BANK1: variants seen among roughly 807,000 people sequenced by gnomAD.
BANK1 encodes B-cell scaffold protein with ankyrin repeats.
A neutral mutation model predicts 94.5 loss-of-function variants in BANK1; 95 were observed. That is an observed-to-expected ratio of 1.00 (90% CI 0.85 to 1.19). The LOEUF (loss-of-function observed/expected upper bound fraction) is 1.19. Ranked by LOEUF, BANK1 falls within the 50% of genes most tolerant of loss-of-function variation. BANK1 has a pLI of 0.00. For synonymous variants in BANK1, 334 were observed against 308.4 expected (o/e 1.08, Z -0.87); for missense variants, 987 against 932.2 (o/e 1.06, Z -0.77).
chr4:101,852,727 G>T (rs574233669), intron 2 of BANK1, among the ~76,000 whole-genome samples: 94 of 151,758 alleles, frequency 6.2e-4, no homozygotes, highest in African/African-American at 2.1e-3. Context: ...TATCGCATAA[G>T]ATATTTTTAT....
chr4:101,877,474 C>T (rs915172550), intron 5 of BANK1, among the ~76,000 whole-genome samples: 4 of 152,120 alleles, frequency 2.6e-5, no homozygotes, highest in African/African-American at 9.7e-5. Context: ...ACTACAACAA[C>T]TTTTTAAGAC....
intron 2 of BANK1, among the ~76,000 whole-genome samples, chr4:101,830,735 G>T (rs552635430): frequency 6.6e-6 from 1 of 152,154 alleles, no homozygotes; most frequent in African/African-American, 2.4e-5. Flanking sequence ...CAATGTTAAA[G>T]CTTCTCCCTT....
chr4:101,941,384 C>G (rs1424421589), intron 7 of BANK1, among the ~76,000 whole-genome samples: 3 of 151,904 alleles, frequency 2.0e-5, no homozygotes, highest in East Asian at 3.9e-4. Context: ...CTCACTGCTA[C>G]TAGGTATTAC....
intron 12 of BANK1, chr4:102,062,746 T>G (rs1578487660): frequency 4.2e-6 from 1 of 237,994 alleles, no homozygotes; most frequent in East Asian, 9.4e-5. Flanking sequence ...AAGAATTGGG[T>G]TGGCAAAACA....
In BANK1 at chr4:101,808,809, C is replaced by T. The variant is rs150460297; in HGVS notation, c.70+17859C>T. On this transcript the variant is annotated intron_variant, in intron 1 of 16. Transcript: ENST00000322953. The stretch of plus-strand genomic sequence containing the variant: ...AATTAAAACCACAATGAGATACCAC[C>T]TTATTCCTTCAAGAATGGCCATAAT... 7.3e-3 allele frequency among the ~76,000 whole-genome samples: 1,106 copies of T among 152,172 alleles called. 24 individuals carry two copies. The highest frequency in any genetic ancestry group is 0.025 in the African/African-American group (1,042 of 41,518).
At chr4:102,039,453 G>A (rs1471761631) in intron 10 of BANK1, among the ~76,000 whole-genome samples, 1 of 151,970 alleles carries the variant, frequency 6.6e-6, no homozygotes, top group Non-Finnish European at 1.5e-5. Flanking sequence ...TAGACAAAGG[G>A]TTTATTTACA....
chr4:101,997,538 T>C (rs1725920935), intron 7 of BANK1, among the ~76,000 whole-genome samples: 1 of 152,134 alleles, frequency 6.6e-6, no homozygotes, highest in South Asian at 2.1e-4. Context: ...TAGCTGTGAA[T>C]CCATCTGGTA....
intron 1 of BANK1, among the ~76,000 whole-genome samples, chr4:101,824,052 A>T (rs940577055): frequency 6.6e-6 from 1 of 152,226 alleles, no homozygotes; most frequent in East Asian, 1.9e-4. Flanking sequence ...AGGAGTTACA[A>T]TTCAATACCA....
intron 7 of BANK1, among the ~76,000 whole-genome samples, chr4:102,013,785 T>C (rs761319994): frequency 3.9e-5 from 6 of 152,052 alleles, no homozygotes; most frequent in Non-Finnish European, 7.4e-5. Context: ...CTCAACATTA[T>C]AATTGAATAT....
chr4:101,861,377 T>G (rs1727869750), intron 3 of BANK1, among the ~76,000 whole-genome samples: 1 of 152,186 alleles, frequency 6.6e-6, no homozygotes, highest in Non-Finnish European at 1.5e-5. Flanking sequence ...TAGTAACTTT[T>G]TGAGAAACAT....
chr4:101,835,144 T>C (rs1056314544), intron 2 of BANK1, among the ~76,000 whole-genome samples: 10 of 152,236 alleles, frequency 6.6e-5, no homozygotes, highest in African/African-American at 2.4e-4. Context: ...TTACCTAACT[T>C]GCTTTTCTAG....
intron 13 of BANK1, among the ~76,000 whole-genome samples, chr4:102,069,985 AG>A (rs149197841): frequency 0.035 from 5,379 of 152,210 alleles, 332 homozygotes; most frequent in African/African-American, 0.12. Context: ...AGAAATTCTT[AG>A]GGGTGGCAAA....
At chr4:102,021,629 TCATATATATATCA>T (rs963603933) in intron 8 of BANK1, 37 bp downstream of exon 8, 1 of 852,460 alleles carries the variant, frequency 1.2e-6, no homozygotes, top group African/African-American at 1.8e-5. Flanking sequence ...TATGACATAT[TCATATATATATCA>T]CATATATATG....
At position 101,961,194 on chromosome 4, in the gene BANK1, T is replaced by G. The variant is rs115022898; in HGVS notation, c.1206+43005T>G. Reference sequence around the variant, plus strand: ...CTAAAATCTTACATAATGAACAGAATTATATTGAGATTCTATCATCAGTGT... The same window carrying G: ...CTAAAATCTTACATAATGAACAGAAGTATATTGAGATTCTATCATCAGTGT... On this transcript the variant is annotated intron_variant, in intron 7 of 16. Coordinates refer to ENST00000322953, the MANE Select transcript of BANK1 (RefSeq NM_017935.5). Among the ~76,000 whole-genome samples, 573 of 152,320 alleles carry G rather than the reference T, an allele frequency of 3.8e-3. 3 individuals carry two copies. The highest frequency in any genetic ancestry group is 0.013 in the African/African-American group (539 of 41,584).
At chr4:101,945,207 T>C (rs1723888956) in intron 7 of BANK1, among the ~76,000 whole-genome samples, 1 of 152,016 alleles carries the variant, frequency 6.6e-6, no homozygotes, top group African/African-American at 2.4e-5. Context: ...ACCTCATTCA[T>C]GGTTAAACAT....
intron 7 of BANK1, among the ~76,000 whole-genome samples, chr4:101,997,402 G>T (rs1231991773): frequency 1.3e-5 from 2 of 151,968 alleles, no homozygotes; most frequent in Non-Finnish European, 2.9e-5. Context: ...TTTTTTTGTT[G>T]TGTCTCTGCC....
intron 7 of BANK1, among the ~76,000 whole-genome samples, chr4:101,945,563 A>G (rs1723900136): frequency 6.6e-6 from 1 of 151,984 alleles, no homozygotes; most frequent in Non-Finnish European, 1.5e-5. Flanking sequence ...CCATGAATCA[A>G]TAGAATCCAT....
intron 5 of BANK1, among the ~76,000 whole-genome samples, chr4:101,877,882 C>T (rs1728548864): frequency 6.6e-6 from 1 of 152,092 alleles, no homozygotes; most frequent in Admixed American, 6.5e-5. Context: ...AAGACTCTGT[C>T]TCTAAATAAA....
chr4:101,816,867 A>G (rs1165728662), intron 1 of BANK1, among the ~76,000 whole-genome samples: 3 of 152,170 alleles, frequency 2.0e-5, no homozygotes, highest in Non-Finnish European at 4.4e-5. Context: ...CTCAGTCTGG[A>G]TCCAATAATA....
Sources: allele counts gnomAD v4.1 joint callset (sites outside exome capture counted in the v4.1 genomes callset), GRCh38; gene constraint gnomAD v4.1.1; transcripts MANE v1.5; gene names NCBI Gene and HGNC (gene_info 2026-07-23, HGNC 2026-07-21).